The following XRCC4 variants were observed in gnomAD, a reference collection of about 807,000 sequenced individuals.
The protein encoded by XRCC4 is X-ray repair cross complementing 4, also known as DNA repair protein XRCC4.
A neutral mutation model predicts 39.1 loss-of-function variants in XRCC4; 28 were observed. The observed-to-expected ratio is 0.72, with a 90% CI of 0.53 to 0.98. XRCC4 has a LOEUF of 0.98. Ranked by LOEUF, XRCC4 falls within the 50% of genes least tolerant of loss-of-function variation. XRCC4 has a pLI of 0.00. For missense variants in XRCC4, 350 were observed against 376.4 expected (o/e 0.93, Z 0.58); for synonymous variants, 123 against 126.4 (o/e 0.97, Z 0.18).
intron 2 of XRCC4, among the ~76,000 whole-genome samples, chr5:83,106,208 GATT>G (rs1259666873): frequency 1.3e-5 from 2 of 152,142 alleles, no homozygotes; most frequent in Non-Finnish European, 2.9e-5. Context: ...ATGCCAGAGA[GATT>G]ATATCCAGAA....
At chr5:83,129,188 A>C (rs915219251) in intron 3 of XRCC4, among the ~76,000 whole-genome samples, 1 of 143,996 alleles carries the variant, frequency 6.9e-6, no homozygotes, top group Non-Finnish European at 1.5e-5. Context: ...TCAGCTTTCT[A>C]CATATGGCTA....
At chr5:83,094,502 C>T (rs1745584378) in intron 1 of XRCC4, among the ~76,000 whole-genome samples, 1 of 150,780 alleles carries the variant, frequency 6.6e-6, no homozygotes, top group Admixed American at 6.6e-5. Context: ...CTGATTCTTT[C>T]TTCAGCTTCC....
chr5:83,229,069 C>T (rs1476783535), intron 6 of XRCC4, among the ~76,000 whole-genome samples: 1 of 151,964 alleles, frequency 6.6e-6, no homozygotes, highest in East Asian at 1.9e-4. Flanking sequence ...ATAACTAACT[C>T]CTACCAAAAG....
intron 3 of XRCC4, among the ~76,000 whole-genome samples, chr5:83,193,279 A>AC (rs1561394305): frequency 6.6e-6 from 1 of 152,210 alleles, no homozygotes; most frequent in Non-Finnish European, 1.5e-5. Context: ...GAATTAAAAA[A>AC]AAAAATTAAT....
chr5:83,337,463 T>C (rs1475443055), intron 7 of XRCC4, among the ~76,000 whole-genome samples: 1 of 152,160 alleles, frequency 6.6e-6, no homozygotes, highest in African/African-American at 2.4e-5. Context: ...CAAGTTGTTA[T>C]ATGTCAGACT....
intron 7 of XRCC4, among the ~76,000 whole-genome samples, chr5:83,275,859 C>T (rs778852550): frequency 9.1e-4 from 139 of 152,182 alleles, no homozygotes; most frequent in Non-Finnish European, 1.7e-3. Context: ...GTCAGATTTA[C>T]ATGCATGATT....
intron 1 of XRCC4, among the ~76,000 whole-genome samples, chr5:83,083,990 T>A (rs1238490932): frequency 6.6e-6 from 1 of 152,168 alleles, no homozygotes; most frequent in Non-Finnish European, 1.5e-5. Flanking sequence ...CAAACTTATA[T>A]TATAATTCTG....
chr5:83,188,790 C>G (rs1037093740), intron 3 of XRCC4, among the ~76,000 whole-genome samples: 1 of 152,114 alleles, frequency 6.6e-6, no homozygotes. Context: ...ATAACCCTTT[C>G]AACCTCTGTA....
intron 6 of XRCC4, among the ~76,000 whole-genome samples, chr5:83,219,182 G>A (rs2112782477): frequency 6.6e-6 from 1 of 152,110 alleles, no homozygotes; most frequent in East Asian, 1.9e-4. Flanking sequence ...AGTCATATTG[G>A]ATTAGGGCTC....
intron 7 of XRCC4, among the ~76,000 whole-genome samples, chr5:83,324,334 C>A (rs1756176171): frequency 6.6e-6 from 1 of 152,082 alleles, no homozygotes. Flanking sequence ...TGCATTAGAT[C>A]CATCTACCTT....
At chr5:83,104,464 A>G (rs1302023856) in intron 1 of XRCC4, among the ~76,000 whole-genome samples, 1 of 152,066 alleles carries the variant, frequency 6.6e-6, no homozygotes, top group Non-Finnish European at 1.5e-5. Flanking sequence ...TTTACTCAGC[A>G]TATTGTTGAG....
At chr5:83,155,067 G>T (rs1005878894) in intron 3 of XRCC4, among the ~76,000 whole-genome samples, 3 of 152,012 alleles carry the variant, frequency 2.0e-5, no homozygotes, top group Non-Finnish European at 4.4e-5. Flanking sequence ...CTTAGTCCTG[G>T]GGCTGGGGCA....
intron 4 of XRCC4, 35 bp from the exon 5 acceptor site, chr5:83,203,517 G>A (rs765544650): frequency 1.9e-6 from 3 of 1,548,470 alleles, no homozygotes; most frequent in South Asian, 2.5e-5. Flanking sequence ...AAGCAGAACT[G>A]CATGACTAAT....
At chr5:83,081,382 G>C (rs1163924698) in intron 1 of XRCC4, among the ~76,000 whole-genome samples, 1 of 151,994 alleles carries the variant, frequency 6.6e-6, no homozygotes, top group East Asian at 1.9e-4. Context: ...GGTTTTTCAT[G>C]TTCCAGTGTT....
At chr5:83,236,163 A>G (rs961837203) in intron 6 of XRCC4, among the ~76,000 whole-genome samples, 1 of 152,208 alleles carries the variant, frequency 6.6e-6, no homozygotes, top group African/African-American at 2.4e-5. Flanking sequence ...TACAGATTCA[A>G]TGCAATCCCT....
At chr5:83,175,508 G>C (rs1260319996) in intron 3 of XRCC4, among the ~76,000 whole-genome samples, 2 of 152,158 alleles carry the variant, frequency 1.3e-5, no homozygotes, top group Non-Finnish European at 2.9e-5. Flanking sequence ...AGTAAATGCT[G>C]CTAATTAAAA....
intron 6 of XRCC4, among the ~76,000 whole-genome samples, chr5:83,239,072 T>C (rs181749113): frequency 7.5e-4 from 115 of 152,348 alleles, no homozygotes; most frequent in Admixed American, 1.4e-3. Flanking sequence ...ATAGATGTAA[T>C]TGCAGTGTAG....
chr5:83,151,027 A>T (rs907305691), intron 3 of XRCC4, among the ~76,000 whole-genome samples: 10 of 152,130 alleles, frequency 6.6e-5, no homozygotes, highest in Non-Finnish European at 1.3e-4. Flanking sequence ...CAAGTTTAAA[A>T]TAAGATTTAT....
At chr5:83,258,079 C>A (rs1318772299) in intron 6 of XRCC4, among the ~76,000 whole-genome samples, 1 of 151,970 alleles carries the variant, frequency 6.6e-6, no homozygotes, top group Non-Finnish European at 1.5e-5. Flanking sequence ...AGGAGAAATA[C>A]CTAATATAGA....
Sources: allele counts gnomAD v4.1 joint callset (sites outside exome capture counted in the v4.1 genomes callset), GRCh38; gene constraint gnomAD v4.1.1; transcripts MANE v1.5; gene names NCBI Gene and HGNC (gene_info 2026-07-23, HGNC 2026-07-21).